The following ACYP2 variants were observed in gnomAD, a reference collection of about 807,000 sequenced individuals.
The protein encoded by ACYP2 is acylphosphatase 2.
ACYP2 carries 12 observed loss-of-function variants against 11.2 expected under a neutral mutation model. The observed-to-expected ratio is 1.08, with a 90% confidence interval of 0.69 to 1.74. The LOEUF (loss-of-function observed/expected upper bound fraction) is 1.74, where lower values mean the gene tolerates loss of function less well. ACYP2 is among the 40% of genes most tolerant of loss of function. ACYP2 has a pLI of 0.00. For missense variants in ACYP2, 134 were observed against 101.9 expected (o/e 1.31, Z -1.35); for synonymous variants, 43 against 32.2 (o/e 1.33, Z -1.13).
chr2:54,219,810 T>TG (rs1572952187), intron 6 of ACYP2, among the ~76,000 whole-genome samples: 5 of 148,436 alleles, frequency 3.4e-5, no homozygotes, highest in African/African-American at 1.2e-4. Flanking sequence ...TGTGTGTGTG[T>TG]TTGTGTATGT....
chr2:54,011,312 T>C (rs1049060577), intron 2 of ACYP2, among the ~76,000 whole-genome samples: 3 of 152,188 alleles, frequency 2.0e-5, no homozygotes, highest in Non-Finnish European at 2.9e-5. Context: ...CATTTAAACG[T>C]AATTTTTATT....
At chr2:54,081,005 C>G (rs1263106144) in intron 4 of ACYP2, among the ~76,000 whole-genome samples, 2 of 152,188 alleles carry the variant, frequency 1.3e-5, no homozygotes, top group African/African-American at 4.8e-5. Context: ...GAGAAAACCT[C>G]TATCATGTTT....
intron 2 of ACYP2, among the ~76,000 whole-genome samples, chr2:53,978,564 G>A (rs993071455): frequency 6.6e-6 from 1 of 152,088 alleles, no homozygotes; most frequent in Non-Finnish European, 1.5e-5. Flanking sequence ...TGATGTGAAC[G>A]AACCTACTAC....
Position 54,115,891 on chromosome 2 carries a change from C to A in ACYP2, c.278-19562C>A, listed in dbSNP as rs559286244. The A allele has an allele frequency of 1.5e-5, 17 of 1,169,720 alleles. No homozygotes were observed. The South Asian group carries it at 2.5e-4, about 17-fold the overall frequency. The allele number at this position is 1,169,720 out of a possible 1,614,324, so 72.5% of individuals were successfully genotyped here. The stretch of plus-strand genomic sequence containing the variant: ...CTTCCGCTCCGCCATGACACAGCAG[C>A]GGCGGCGGGGAGGGAGGCGAAACGC... On this transcript the variant is annotated intron_variant, in intron 4 of 6. Coordinates refer to ENST00000607452, the MANE Select transcript of ACYP2 (RefSeq NM_001320586.2).
intron 2 of ACYP2, among the ~76,000 whole-genome samples, chr2:54,006,404 C>T (rs1356825590): frequency 2.0e-5 from 3 of 152,120 alleles, no homozygotes; most frequent in Non-Finnish European, 2.9e-5. Flanking sequence ...GCCTCGGCCT[C>T]CCAAAGTGCT....
chr2:54,251,360 T>G (rs529270278), intron 6 of ACYP2, among the ~76,000 whole-genome samples: 301 of 80,354 alleles, frequency 3.7e-3, no homozygotes, highest in African/African-American at 0.011. Context: ...AAATAATGTG[T>G]TTTTTTTTGT....
At chr2:54,223,043 C>A (rs568080423) in intron 6 of ACYP2, 2 of 152,162 alleles carry the variant, frequency 1.3e-5, no homozygotes, top group Non-Finnish European at 2.9e-5. Context: ...AGATACCCAA[C>A]AACTTTGGAG....
chr2:54,213,147 T>C (rs1018518748), intron 6 of ACYP2, among the ~76,000 whole-genome samples: 4 of 152,212 alleles, frequency 2.6e-5, no homozygotes, highest in African/African-American at 4.8e-5. Context: ...TGTGTCCATG[T>C]GTACCCAGTG....
intron 6 of ACYP2, among the ~76,000 whole-genome samples, chr2:54,292,197 T>G (rs1689339171): frequency 6.6e-6 from 1 of 151,946 alleles, no homozygotes; most frequent in Non-Finnish European, 1.5e-5. Flanking sequence ...GCAAAACAAA[T>G]CTTTTTTTTT....
At chr2:54,238,807 T>G (rs1286559299) in intron 6 of ACYP2, among the ~76,000 whole-genome samples, 1 of 151,954 alleles carries the variant, frequency 6.6e-6, no homozygotes, top group African/African-American at 2.4e-5. Context: ...ACATGAAAAT[T>G]TATTATTTAA....
chr2:54,134,147 A>C (rs999122803), intron 4 of ACYP2, among the ~76,000 whole-genome samples: 4 of 152,144 alleles, frequency 2.6e-5, no homozygotes, highest in Non-Finnish European at 5.9e-5. Flanking sequence ...TAGGCTTCAG[A>C]GCTAGGGACA....
intron 6 of ACYP2, chr2:54,255,358 A>G (rs1452466472): frequency 1.2e-6 from 2 of 1,614,160 alleles, no homozygotes; most frequent in Non-Finnish European, 1.7e-6. Context: ...GCCTCTAATC[A>G]TGGCAGACAG....
At position 54,021,016 on chromosome 2, in the gene ACYP2, C is replaced by T. The variant is rs553983618; in HGVS notation, c.63-29942C>T. 3.9e-5 allele frequency among the ~76,000 whole-genome samples: 6 copies of T among 152,252 alleles called. No individual in the cohort carries two copies. The East Asian group carries it at 7.7e-4, about 20-fold the overall frequency. ...GTACAACTCACAGATGGAGCAATGG[C>T]GAGAGCACATTTGAACAAGGGAGGG... On this transcript the variant is annotated intron_variant, in intron 2 of 6. Coordinates refer to ENST00000607452, the MANE Select transcript of ACYP2 (RefSeq NM_001320586.2).
At chr2:54,097,549 C>T (rs991610846) in intron 4 of ACYP2, among the ~76,000 whole-genome samples, 1 of 152,286 alleles carries the variant, frequency 6.6e-6, no homozygotes, top group East Asian at 1.9e-4. Flanking sequence ...AATTTTTGTT[C>T]TCACACTGTT....
intron 2 of ACYP2, among the ~76,000 whole-genome samples, chr2:54,050,162 A>G (rs1675764054): frequency 6.6e-6 from 1 of 152,206 alleles, no homozygotes; most frequent in Admixed American, 6.5e-5. Flanking sequence ...TCATGATGCA[A>G]CAGTAGAAAC....
intron 4 of ACYP2, among the ~76,000 whole-genome samples, chr2:54,069,289 T>C (rs190132773): frequency 1.3e-5 from 2 of 152,214 alleles, no homozygotes; most frequent in Admixed American, 1.3e-4. Context: ...TTTTGTCATA[T>C]ATATGGGGAT....
At chr2:53,989,000 G>A (rs572200556) in intron 2 of ACYP2, among the ~76,000 whole-genome samples, 133 of 151,122 alleles carry the variant, frequency 8.8e-4, no homozygotes, top group Non-Finnish European at 1.7e-3. Context: ...CTTCTGCCTC[G>A]GCCTCCCAAA....
intron 6 of ACYP2, among the ~76,000 whole-genome samples, chr2:54,200,224 C>T (rs1178306908): frequency 1.3e-5 from 2 of 152,120 alleles, no homozygotes; most frequent in Non-Finnish European, 2.9e-5. Context: ...GTTTCTTCAT[C>T]TATAAAGTAC....
intron 2 of ACYP2, among the ~76,000 whole-genome samples, chr2:53,998,288 C>T (rs1672663410): frequency 1.3e-5 from 2 of 151,954 alleles, no homozygotes; most frequent in South Asian, 4.1e-4. Flanking sequence ...TGGAGGTAGC[C>T]GATACAGACT....
Sources: allele counts gnomAD v4.1 joint callset (sites outside exome capture counted in the v4.1 genomes callset), GRCh38; gene constraint gnomAD v4.1.1; transcripts MANE v1.5; gene names NCBI Gene and HGNC (gene_info 2026-07-23, HGNC 2026-07-21).